Variants in GPHN observed in about 807,000 individuals in gnomAD.
GPHN encodes gephyrin.
In GPHN, 17 loss-of-function variants were observed where a neutral mutation model predicts 95.5. That is an observed-to-expected ratio of 0.18 (90% confidence interval 0.12 to 0.27). The LOEUF is 0.27. GPHN is among the 10% of genes least tolerant of loss of function. The pLI is 1.00. For missense variants in GPHN, 660 were observed against 978.1 expected (o/e 0.67, Z 4.34); for synonymous variants, 320 against 322.5 (o/e 0.99, Z 0.08).
At chr14:66,624,345 A>C (rs1037719380) in intron 1 of GPHN, among the ~76,000 whole-genome samples, 1 of 152,218 alleles carries the variant, frequency 6.6e-6, no homozygotes, top group Non-Finnish European at 1.5e-5. Flanking sequence ...TTAGTATAGG[A>C]TCTGTATCTG....
the GPHN span, among the ~76,000 whole-genome samples, chr14:67,643,389 G>A: frequency 6.6e-6 from 1 of 152,200 alleles, no homozygotes; most frequent in Non-Finnish European, 1.5e-5. Flanking sequence ...AAGCAATGAA[G>A]GTCTTCAGTA....
chr14:66,925,475 C>A (rs575124889), intron 8 of GPHN, among the ~76,000 whole-genome samples: 1 of 152,106 alleles, frequency 6.6e-6, no homozygotes. Context: ...TCTTTATCTC[C>A]GTGAGTTCAA....
the GPHN span, chr14:67,393,112 G>A: frequency 1.4e-6 from 2 of 1,466,630 alleles, no homozygotes; most frequent in Non-Finnish European, 1.9e-6. Context: ...CCATGTCCCA[G>A]CTTGACTGCC....
chr14:67,059,073 T>C (rs2153649500), intron 11 of GPHN: 1 of 507,550 alleles, frequency 2.0e-6, no homozygotes, highest in Non-Finnish European at 3.4e-6. Context: ...AAAATACCAA[T>C]ACTGCAAACT....
At chr14:67,225,488 G>A in the GPHN span, among the ~76,000 whole-genome samples, 1 of 152,170 alleles carries the variant, frequency 6.6e-6, no homozygotes, top group South Asian at 2.1e-4. Flanking sequence ...AGGGCTTCAG[G>A]TGAGGCACTG....
At chr14:66,786,685 G>T (rs1481693686) in intron 3 of GPHN, among the ~76,000 whole-genome samples, 1 of 152,010 alleles carries the variant, frequency 6.6e-6, no homozygotes, top group East Asian at 1.9e-4. Flanking sequence ...ACGACAATTT[G>T]ACATTTATTT....
chr14:66,874,774 ACTTCTGATTGCT>A (rs973805352), intron 4 of GPHN, among the ~76,000 whole-genome samples: 2 of 152,188 alleles, frequency 1.3e-5, no homozygotes, highest in African/African-American at 4.8e-5. Flanking sequence ...GACCAAACCT[ACTTCTGATTGCT>A]GTACTTGAAA....
the GPHN span, among the ~76,000 whole-genome samples, chr14:67,311,678 T>C: frequency 6.6e-6 from 1 of 152,200 alleles, no homozygotes; most frequent in African/African-American, 2.4e-5. Context: ...CAGAATAGCT[T>C]ATAAAGTTCA....
At chr14:66,607,854 AT>A (rs1449704010) in intron 1 of GPHN, among the ~76,000 whole-genome samples, 2 of 151,634 alleles carry the variant, frequency 1.3e-5, no homozygotes, top group Non-Finnish European at 2.9e-5. Flanking sequence ...CATCTTTGTC[AT>A]TTCTGTTTGT....
chr14:66,517,747 A>G (rs191263405), intron 1 of GPHN, among the ~76,000 whole-genome samples: 1 of 150,402 alleles, frequency 6.6e-6, no homozygotes, highest in Non-Finnish European at 1.5e-5. Flanking sequence ...TATGCAGAAG[A>G]ATGAAACTAG....
At chr14:66,843,972 A>C (rs117416925) in intron 4 of GPHN, among the ~76,000 whole-genome samples, 1,831 of 152,066 alleles carry the variant, frequency 0.012, 19 homozygotes, top group Non-Finnish European at 0.018. Flanking sequence ...TAAATTTTCC[A>C]GGGTTTTATA....
At chr14:67,432,842 C>T in the GPHN span, among the ~76,000 whole-genome samples, 17 of 151,848 alleles carry the variant, frequency 1.1e-4, no homozygotes, top group Admixed American at 5.9e-4. Context: ...TTTTGGTGGT[C>T]GCATGTGGTG....
the GPHN span, among the ~76,000 whole-genome samples, chr14:67,325,173 G>A: frequency 2.0e-5 from 3 of 152,006 alleles, no homozygotes; most frequent in East Asian, 5.8e-4. Flanking sequence ...CCAAAGTGCT[G>A]GGATTACAGG....
the GPHN span, among the ~76,000 whole-genome samples, chr14:67,286,643 C>G: frequency 2.1e-3 from 309 of 144,238 alleles, no homozygotes; most frequent in African/African-American, 7.4e-3. Flanking sequence ...ATCGCTTGAG[C>G]TCAGGAGTTG....
At chr14:67,663,445 G>A in the GPHN span, among the ~76,000 whole-genome samples, 20 of 151,996 alleles carry the variant, frequency 1.3e-4, no homozygotes, top group South Asian at 2.1e-4. Flanking sequence ...AGGCCGAGGC[G>A]GGCGGATCAT....
At chr14:67,393,064 A>G in the GPHN span, 1 of 1,095,784 alleles carries the variant, frequency 9.1e-7, no homozygotes, top group Non-Finnish European at 1.4e-6. Context: ...TCTGACCTCA[A>G]TACAGGGCGG....
At chr14:67,223,817 A>G in the GPHN span, 1 of 985,662 alleles carries the variant, frequency 1.0e-6, no homozygotes, top group Admixed American at 6.2e-5. Flanking sequence ...CTCTCCTCTA[A>G]ATCACCTGTT....
At chr14:66,834,223 T>C (rs1264778795) in intron 4 of GPHN, among the ~76,000 whole-genome samples, 2 of 152,294 alleles carry the variant, frequency 1.3e-5, no homozygotes, top group Non-Finnish European at 2.9e-5. Flanking sequence ...CACTTACTTA[T>C]GGATTATTTT....
chr14:66,726,880 T>C (rs1194592587), intron 2 of GPHN, among the ~76,000 whole-genome samples: 1 of 152,176 alleles, frequency 6.6e-6, no homozygotes, highest in Non-Finnish European at 1.5e-5. Context: ...TTTTAAAATA[T>C]TGTATAAAAA....
Sources: gnomAD v4.1 joint callset for allele counts (sites outside exome capture counted in the v4.1 genomes callset) on GRCh38, gnomAD v4.1.1 for gene constraint, MANE v1.5 for transcripts, NCBI Gene and HGNC (gene_info 2026-07-23, HGNC 2026-07-21) for gene names.